The following NAV2 variants were observed in gnomAD, a reference collection of about 807,000 sequenced individuals.
The protein encoded by NAV2 is helicase, APC down-regulated 1.
In NAV2, 54 loss-of-function variants were observed where a neutral mutation model predicts 223.2. That is an observed-to-expected ratio of 0.24 (90% CI 0.19 to 0.30). The LOEUF (loss-of-function observed/expected upper bound fraction) is 0.30, where lower values mean the gene tolerates loss of function less well. Among genes scored for constraint, NAV2 ranks in the 10% least tolerant of loss-of-function variants. The pLI is 1.00. For missense variants in NAV2, 2,806 were observed against 3,147.5 expected, an observed-to-expected ratio of 0.89 and a Z score of 2.60; for synonymous variants, 1,279 against 1,239.3, an observed-to-expected ratio of 1.03 and a Z score of -0.67.
intron 6 of NAV2, among the ~76,000 whole-genome samples, chr11:19,922,015 G>C (rs564249973): frequency 6.6e-6 from 1 of 152,150 alleles, no homozygotes; most frequent in African/African-American, 2.4e-5. Flanking sequence ...GAGCTGCTCT[G>C]GTAGAAGTGG....
At chr11:19,800,835 G>A (rs948921662) in intron 1 of NAV2, among the ~76,000 whole-genome samples, 2 of 152,068 alleles carry the variant, frequency 1.3e-5, no homozygotes, top group East Asian at 1.9e-4. Context: ...CAAAAACCTG[G>A]GATCCCAGTC....
intron 1 of NAV2, among the ~76,000 whole-genome samples, chr11:19,490,592 C>G (rs1335477611): frequency 6.6e-6 from 1 of 152,222 alleles, no homozygotes; most frequent in African/African-American, 2.4e-5. Flanking sequence ...TCAGGATCCA[C>G]TTCTAATTCT....
chr11:19,699,916 CAGATCCCT>C (rs1321037013), intron 1 of NAV2, among the ~76,000 whole-genome samples: 1 of 152,196 alleles, frequency 6.6e-6, no homozygotes, highest in Non-Finnish European at 1.5e-5. Context: ...TCTGCACATA[CAGATCCCT>C]TACCCAAGAT....
At chr11:19,396,611 G>C in intron 1 of NAV2, among the ~76,000 whole-genome samples, 1 of 152,174 alleles carries the variant, frequency 6.6e-6, no homozygotes. Flanking sequence ...TGGGTGGGGA[G>C]GTCTCAACAG....
At chr11:19,866,770 C>G (rs2062117202) in intron 3 of NAV2, among the ~76,000 whole-genome samples, 1 of 152,036 alleles carries the variant, frequency 6.6e-6, no homozygotes, top group African/African-American at 2.4e-5. Context: ...CTTAACCTAC[C>G]TCGTCAGCCC....
intron 1 of NAV2, among the ~76,000 whole-genome samples, chr11:19,375,255 A>G (rs867779907): frequency 2.0e-5 from 3 of 152,172 alleles, no homozygotes; most frequent in South Asian, 4.1e-4. Flanking sequence ...CCTTTCTTCC[A>G]TGAGGTTATG....
chr11:19,724,523 G>T lies in NAV2; in HGVS notation c.267+10561G>T, dbSNP rs536875842. 2.8e-4 allele frequency among the ~76,000 whole-genome samples: 43 copies of T among 152,266 alleles called. 1 individual carries two copies. The highest frequency in any genetic ancestry group is 2.6e-3 in the Admixed American group (40 of 15,298). Reference sequence around the variant, plus strand: ...CCACCACACCTGGCCCAGAATGAGTGTTCTTAATTGCTTCATATTAGGAAG... The same window carrying T: ...CCACCACACCTGGCCCAGAATGAGTTTTCTTAATTGCTTCATATTAGGAAG... On this transcript the variant is annotated intron_variant, in intron 1 of 37. Coordinates refer to ENST00000349880, the MANE Select transcript of NAV2 (RefSeq NM_145117.5).
intron 1 of NAV2, among the ~76,000 whole-genome samples, chr11:19,645,093 C>T (rs747450175): frequency 3.9e-5 from 6 of 152,210 alleles, no homozygotes; most frequent in South Asian, 2.1e-4. Context: ...AAGTCCAGTA[C>T]GGGTTTCACC....
chr11:19,496,854 A>T lies in NAV2; in HGVS notation c.75+145827A>T, dbSNP rs148950487. ...AACAAAAACAGAAACAAAACAAAAC[A>T]AACAAAAACAGTTTTCTTGACTATT... is the stretch of plus-strand genomic sequence containing the variant. On this transcript the variant is annotated intron_variant, in intron 1 of 37. Transcript: ENST00000360655. Among the ~76,000 whole-genome samples, 516 of 152,314 alleles carry T rather than the reference A, an allele frequency of 3.4e-3. 8 individuals are homozygous for T. The highest frequency in any genetic ancestry group is 0.012 in the African/African-American group (481 of 41,558).
intron 6 of NAV2, among the ~76,000 whole-genome samples, chr11:19,911,342 C>T (rs150974356): frequency 1.3e-5 from 2 of 152,206 alleles, no homozygotes; most frequent in African/African-American, 2.4e-5. Context: ...TAGCTATATA[C>T]AATAAGGAAA....
intron 22 of NAV2, among the ~76,000 whole-genome samples, chr11:20,076,516 A>G (rs571473007): frequency 1.3e-5 from 2 of 152,330 alleles, no homozygotes; most frequent in South Asian, 4.1e-4. Flanking sequence ...TAGCTGCCTA[A>G]TGGCTTCTTC....
At chr11:20,076,904 T>G (rs1219925246) in intron 22 of NAV2, among the ~76,000 whole-genome samples, 1 of 152,202 alleles carries the variant, frequency 6.6e-6, no homozygotes, top group Non-Finnish European at 1.5e-5. Context: ...TGAAAGCCTG[T>G]GGGAAAGTGG....
chr11:20,011,165 C>A (rs865917758), intron 11 of NAV2, among the ~76,000 whole-genome samples: 2 of 152,154 alleles, frequency 1.3e-5, no homozygotes, highest in Admixed American at 6.5e-5. Flanking sequence ...AATTACCTGG[C>A]CTGACCCATA....
chr11:19,521,755 G>C (rs1040640664), intron 1 of NAV2, among the ~76,000 whole-genome samples: 5 of 152,188 alleles, frequency 3.3e-5, no homozygotes, highest in Admixed American at 2.0e-4. Context: ...AGATGAGGAA[G>C]CAGGAATCAG....
At chr11:20,031,077 T>A (rs1387758184) in intron 11 of NAV2, among the ~76,000 whole-genome samples, 2 of 152,182 alleles carry the variant, frequency 1.3e-5, no homozygotes, top group Non-Finnish European at 2.9e-5. Flanking sequence ...ATATGGTTTT[T>A]CTCCGACTGT....
At chr11:19,960,951 G>A (rs1591436951) in intron 10 of NAV2, among the ~76,000 whole-genome samples, 1 of 152,008 alleles carries the variant, frequency 6.6e-6, no homozygotes, top group Non-Finnish European at 1.5e-5. Flanking sequence ...GTGGTCTGCA[G>A]GCATCTTCTT....
chr11:19,871,921 C>T (rs2062534167), intron 4 of NAV2, among the ~76,000 whole-genome samples: 1 of 152,136 alleles, frequency 6.6e-6, no homozygotes, highest in African/African-American at 2.4e-5. Context: ...GCCTTGCCTC[C>T]TTGGTGAGGG....
At chr11:19,493,274 A>G (rs1293071554) in intron 1 of NAV2, among the ~76,000 whole-genome samples, 3 of 151,924 alleles carry the variant, frequency 2.0e-5, no homozygotes, top group Admixed American at 2.0e-4. Flanking sequence ...CTACCACCAC[A>G]ATGAAGGTGA....
At chr11:19,637,804 C>T (rs912606643) in intron 1 of NAV2, among the ~76,000 whole-genome samples, 1 of 152,244 alleles carries the variant, frequency 6.6e-6, no homozygotes, top group Non-Finnish European at 1.5e-5. Context: ...TGGGCCCCAC[C>T]CCCAACACTG....
Sources: gnomAD v4.1 joint callset for allele counts (sites outside exome capture counted in the v4.1 genomes callset) on GRCh38, gnomAD v4.1.1 for gene constraint, MANE v1.5 for transcripts, NCBI Gene and HGNC (gene_info 2026-07-23, HGNC 2026-07-21) for gene names.